Variants in LUZP2 observed in about 807,000 individuals in gnomAD.
The protein encoded by LUZP2 is leucine zipper protein 2.
LUZP2 carries 52 observed loss-of-function variants against 51.6 expected under a neutral mutation model. The observed-to-expected ratio is 1.01, with a 90% confidence interval of 0.81 to 1.27. The LOEUF (loss-of-function observed/expected upper bound fraction) is 1.27. LUZP2 is among the 50% of genes most tolerant of loss of function. LUZP2 has a pLI of 0.00. For synonymous variants in LUZP2, 154 were observed against 137.3 expected, an observed-to-expected ratio of 1.12 and a Z score of -0.85; for missense variants, 436 against 395.4, an observed-to-expected ratio of 1.10 and a Z score of -0.87.
At chr11:24,914,579 C>G in intron 7 of LUZP2, 41 bp downstream of exon 7, 1 of 1,305,688 alleles carries the variant, frequency 7.7e-7, no homozygotes, top group East Asian at 2.4e-5. Context: ...CTTGCTAGCT[C>G]AATACCTAAA....
At chr11:25,069,724 T>C (rs929533126) in intron 10 of LUZP2, among the ~76,000 whole-genome samples, 2 of 151,918 alleles carry the variant, frequency 1.3e-5, no homozygotes, top group Non-Finnish European at 2.9e-5. Context: ...TATTCACTTA[T>C]ATCATATAGC....
intron 1 of LUZP2, among the ~76,000 whole-genome samples, chr11:24,690,661 T>C (rs1857036378): frequency 6.6e-6 from 1 of 152,120 alleles, no homozygotes; most frequent in African/African-American, 2.4e-5. Flanking sequence ...GAGTTGAGGC[T>C]ATATAACGGA....
intron 7 of LUZP2, among the ~76,000 whole-genome samples, chr11:24,954,837 G>A (rs552615219): frequency 1.3e-5 from 2 of 151,984 alleles, no homozygotes; most frequent in Admixed American, 1.3e-4. Flanking sequence ...TAACATAGAC[G>A]CTAAAATGAT....
chr11:24,970,274 C>G (rs1157710821), intron 7 of LUZP2, among the ~76,000 whole-genome samples: 1 of 152,090 alleles, frequency 6.6e-6, no homozygotes, highest in African/African-American at 2.4e-5. Flanking sequence ...CCCTACCCTA[C>G]CTTTATATCA....
chr11:24,802,318 TG>T (rs944765253), intron 5 of LUZP2, among the ~76,000 whole-genome samples: 4 of 152,130 alleles, frequency 2.6e-5, no homozygotes, highest in East Asian at 1.9e-4. Context: ...ATTCCTCTGT[TG>T]ATAGGTATTT....
At chr11:24,655,648 A>C (rs1855776456) in intron 1 of LUZP2, among the ~76,000 whole-genome samples, 1 of 152,242 alleles carries the variant, frequency 6.6e-6, no homozygotes, top group African/African-American at 2.4e-5. Context: ...TATAGATTAC[A>C]CAGGACATCT....
At chr11:24,641,146 C>T (rs1248092034) in intron 1 of LUZP2, among the ~76,000 whole-genome samples, 1 of 151,316 alleles carries the variant, frequency 6.6e-6, no homozygotes, top group Non-Finnish European at 1.5e-5. Flanking sequence ...AACTTCTGGC[C>T]TCAAGAGATC....
chr11:24,526,653 C>A (rs1256369580), intron 1 of LUZP2, among the ~76,000 whole-genome samples: 2 of 151,364 alleles, frequency 1.3e-5, no homozygotes, highest in African/African-American at 4.8e-5. Flanking sequence ...TGTGCTAGTG[C>A]TTGACAGTTA....
rs997187811 is a variant in LUZP2 at position 25,080,345 on chromosome 11, G to C, written c.*1687G>C. 6.6e-6 allele frequency: 1 copy of C among 152,116 alleles called. No individual in the cohort carries two copies. Among genetic ancestry groups the C allele is most frequent in the African/African-American group, 2.4e-5 (1 of 41,424 alleles). The allele number at this position is 152,116 out of a possible 1,614,324, so 9.4% of individuals were successfully genotyped here. On this transcript the variant is annotated 3_prime_UTR_variant, in exon 12 of 12. Coordinates refer to ENST00000336930, the MANE Select transcript of LUZP2 (RefSeq NM_001009909.4). ...CGTTTAAGCAGGTTTAAGTTAGGGT[G>C]GGCTATGATTTTCCATTTAGGTATC...
chr11:24,739,050 A>T (rs1859040586), intron 4 of LUZP2, among the ~76,000 whole-genome samples: 1 of 152,092 alleles, frequency 6.6e-6, no homozygotes, highest in Non-Finnish European at 1.5e-5. Flanking sequence ...AGGTCAACAG[A>T]TCAGGAAAGA....
chr11:24,843,051 G>C (rs1266556388), intron 5 of LUZP2, among the ~76,000 whole-genome samples: 1 of 151,650 alleles, frequency 6.6e-6, no homozygotes, highest in Non-Finnish European at 1.5e-5. Flanking sequence ...TGAAAAAGAG[G>C]ATGTAAGTGC....
intron 7 of LUZP2, among the ~76,000 whole-genome samples, chr11:24,953,402 C>G (rs1565152251): frequency 6.6e-6 from 1 of 151,904 alleles, no homozygotes; most frequent in South Asian, 2.1e-4. Flanking sequence ...CCGACATCTA[C>G]AAAATTTTAT....
intron 9 of LUZP2, among the ~76,000 whole-genome samples, chr11:25,040,960 T>C (rs571363854): frequency 6.6e-6 from 1 of 152,304 alleles, no homozygotes; most frequent in South Asian, 2.1e-4. Context: ...CCATCATTTC[T>C]CACTGTTTTA....
Position 24,738,988 on chromosome 11 carries a change from T to C in LUZP2, c.333+686T>C, listed in dbSNP as rs183436852. Among the ~76,000 whole-genome samples the C allele has an allele frequency of 1.0e-3, 157 of 152,180 alleles. 1 individual carries two copies. Among genetic ancestry groups the C allele is most frequent in the African/African-American group, 3.7e-3 (152 of 41,552 alleles). ...TGGACCTTATATCTTGTTTTCAAGA[T>C]CTGAGTCTGTTTTAAAATATAGTGT... On this transcript the variant is annotated intron_variant, in intron 4 of 11. Coordinates refer to ENST00000336930, the MANE Select transcript of LUZP2 (RefSeq NM_001009909.4).
intron 5 of LUZP2, among the ~76,000 whole-genome samples, chr11:24,770,217 G>A (rs941386096): frequency 6.6e-6 from 1 of 152,034 alleles, no homozygotes; most frequent in Non-Finnish European, 1.5e-5. Context: ...TGTCTGTAAC[G>A]GTCTGAGATA....
intron 1 of LUZP2, among the ~76,000 whole-genome samples, chr11:24,537,459 C>A (rs1851213058): frequency 6.6e-6 from 1 of 151,792 alleles, no homozygotes; most frequent in Non-Finnish European, 1.5e-5. Context: ...TTTAGAAATT[C>A]TTGTAGTGTT....
At chr11:24,710,398 A>G (rs776693122) in intron 1 of LUZP2, among the ~76,000 whole-genome samples, 2 of 152,128 alleles carry the variant, frequency 1.3e-5, no homozygotes, top group African/African-American at 2.4e-5. Context: ...TCAGTCACCA[A>G]GCAGAAGATT....
intron 5 of LUZP2, among the ~76,000 whole-genome samples, chr11:24,886,721 A>C (rs1041379697): frequency 6.6e-6 from 1 of 152,158 alleles, no homozygotes; most frequent in African/African-American, 2.4e-5. Flanking sequence ...AAAGTGAAAA[A>C]TTGTGCATCT....
At chr11:24,841,183 G>A (rs1461653880) in intron 5 of LUZP2, among the ~76,000 whole-genome samples, 1 of 151,920 alleles carries the variant, frequency 6.6e-6, no homozygotes, top group Non-Finnish European at 1.5e-5. Context: ...GTGGAGTAGT[G>A]AGGGTGAAAC....
Sources: gnomAD v4.1 joint callset for allele counts (sites outside exome capture counted in the v4.1 genomes callset) on GRCh38, gnomAD v4.1.1 for gene constraint, MANE v1.5 for transcripts, NCBI Gene and HGNC (gene_info 2026-07-23, HGNC 2026-07-21) for gene names.